The following GRID2 variants were observed in gnomAD, a reference collection of about 807,000 sequenced individuals.
The protein encoded by GRID2 is glutamate ionotropic receptor delta type subunit 2.
In GRID2, 33 loss-of-function variants were observed where a neutral mutation model predicts 114.8. That is an observed-to-expected ratio of 0.29 (90% CI 0.22 to 0.38). The LOEUF (loss-of-function observed/expected upper bound fraction) is 0.38. GRID2 is among the 10% of genes least tolerant of loss of function. GRID2 has a pLI of 1.00. For synonymous variants in GRID2, 505 were observed against 449.9 expected (o/e 1.12, Z -1.55); for missense variants, 1,184 against 1,257.7 (o/e 0.94, Z 0.89).
intron 2 of GRID2, among the ~76,000 whole-genome samples, chr4:92,754,606 T>C (rs931385567): frequency 6.6e-6 from 1 of 152,180 alleles, no homozygotes; most frequent in Non-Finnish European, 1.5e-5. Flanking sequence ...AATCAGCGCC[T>C]GACACAGTAC....
At chr4:93,571,240 A>C (rs1045709491) in intron 13 of GRID2, among the ~76,000 whole-genome samples, 2 of 152,124 alleles carry the variant, frequency 1.3e-5, no homozygotes. Flanking sequence ...CTCATGAAAC[A>C]TACCTTCTTT....
At chr4:92,563,708 T>C (rs1030059783) in intron 1 of GRID2, among the ~76,000 whole-genome samples, 22 of 152,120 alleles carry the variant, frequency 1.4e-4, no homozygotes, top group Admixed American at 2.0e-4. Flanking sequence ...TCATTTTTTA[T>C]TTCTGAGATT....
intron 2 of GRID2, among the ~76,000 whole-genome samples, chr4:92,657,534 C>A (rs1428742924): frequency 6.6e-6 from 1 of 151,028 alleles, no homozygotes; most frequent in Non-Finnish European, 1.5e-5. Flanking sequence ...TTAAATTATA[C>A]CACTGGATAT....
intron 1 of GRID2, among the ~76,000 whole-genome samples, chr4:92,470,568 T>C (rs895094754): frequency 6.6e-6 from 1 of 152,030 alleles, no homozygotes; most frequent in Non-Finnish European, 1.5e-5. Context: ...AAAATTTTTG[T>C]AAGCATAAAA....
chr4:92,623,322 C>T (rs1271731575), intron 2 of GRID2, among the ~76,000 whole-genome samples: 1 of 150,824 alleles, frequency 6.6e-6, no homozygotes, highest in Non-Finnish European at 1.5e-5. Flanking sequence ...ATATGACCTG[C>T]TTATCCTCAG....
chr4:93,195,650 T>G (rs1741412796), intron 4 of GRID2, among the ~76,000 whole-genome samples: 2 of 152,154 alleles, frequency 1.3e-5, no homozygotes, highest in Non-Finnish European at 2.9e-5. Context: ...AGAGCAGAAC[T>G]GACTATATAC....
At chr4:93,425,579 T>C (rs1208881710) in intron 10 of GRID2, among the ~76,000 whole-genome samples, 1 of 152,186 alleles carries the variant, frequency 6.6e-6, no homozygotes, top group Non-Finnish European at 1.5e-5. Flanking sequence ...CATTACTCTT[T>C]GCTAATTTTC....
At chr4:92,741,765 T>A (rs1373608273) in intron 2 of GRID2, among the ~76,000 whole-genome samples, 1 of 152,174 alleles carries the variant, frequency 6.6e-6, no homozygotes, top group Non-Finnish European at 1.5e-5. Context: ...AGGTGTTGAG[T>A]TACTTGGCTT....
At chr4:93,437,939 T>C (rs1721254350) in intron 10 of GRID2, among the ~76,000 whole-genome samples, 1 of 152,136 alleles carries the variant, frequency 6.6e-6, no homozygotes, top group African/African-American at 2.4e-5. Context: ...TCTATATCTA[T>C]AAATGGGCAT....
At chr4:93,315,090 A>G (rs990243813) in intron 8 of GRID2, among the ~76,000 whole-genome samples, 1 of 152,156 alleles carries the variant, frequency 6.6e-6, no homozygotes, top group South Asian at 2.1e-4. Flanking sequence ...AGTGTCTTAC[A>G]TGGTGGCATG....
At chr4:93,126,286 C>CCTAA (rs1389022497) in intron 4 of GRID2, among the ~76,000 whole-genome samples, 1 of 151,788 alleles carries the variant, frequency 6.6e-6, no homozygotes, top group African/African-American at 2.4e-5. Context: ...AGGGGAAAAA[C>CCTAA]CTAACTTTCT....
chr4:93,384,684 T>C (rs1764156373), intron 8 of GRID2, among the ~76,000 whole-genome samples: 2 of 152,158 alleles, frequency 1.3e-5, no homozygotes, highest in African/African-American at 4.8e-5. Context: ...AATGATGTAT[T>C]TACACTAATG....
intron 1 of GRID2, among the ~76,000 whole-genome samples, chr4:92,336,964 T>TTTG (rs2110154627): frequency 6.7e-6 from 1 of 149,304 alleles, no homozygotes; most frequent in South Asian, 2.1e-4. Context: ...GTTTTTTTTT[T>TTTG]TTTTTTTTTT....
At chr4:92,343,252 C>G (rs1727599473) in intron 1 of GRID2, among the ~76,000 whole-genome samples, 1 of 150,866 alleles carries the variant, frequency 6.6e-6, no homozygotes, top group Non-Finnish European at 1.5e-5. Context: ...AAAAAAAAAG[C>G]TCAAATCAAA....
intron 2 of GRID2, among the ~76,000 whole-genome samples, chr4:93,055,571 T>C (rs1037850079): frequency 6.6e-5 from 10 of 151,900 alleles, no homozygotes; most frequent in Non-Finnish European, 1.5e-4. Flanking sequence ...ATAAATTGGA[T>C]AGCCTACCAA....
chr4:93,504,985 T>C (rs1303195080), intron 12 of GRID2, among the ~76,000 whole-genome samples: 2 of 152,096 alleles, frequency 1.3e-5, no homozygotes, highest in South Asian at 4.1e-4. Flanking sequence ...TCCATTTTCA[T>C]TGAGAACAAA....
chr4:92,411,643 G>GTATATATATATA (rs1452745976), intron 1 of GRID2, among the ~76,000 whole-genome samples: 1 of 95,546 alleles, frequency 1.0e-5, no homozygotes, highest in Non-Finnish European at 2.1e-5. Context: ...GTGTGTGTGT[G>GTATATATATATA]TGTGTGTGTG....
At chr4:93,628,767 CT>C (rs377083909) in intron 14 of GRID2, among the ~76,000 whole-genome samples, 16,845 of 136,744 alleles carry the variant, frequency 0.12, 879 homozygotes, top group Non-Finnish European at 0.13. Context: ...GATTTTCTGG[CT>C]TTTTTTTTTT....
At chr4:93,138,948 CTT>C (rs1373767370) in intron 4 of GRID2, among the ~76,000 whole-genome samples, 1 of 152,202 alleles carries the variant, frequency 6.6e-6, no homozygotes. Flanking sequence ...GTCCTTTCTA[CTT>C]TCATCTCCTG....
Sources: allele counts gnomAD v4.1 joint callset (sites outside exome capture counted in the v4.1 genomes callset), GRCh38; gene constraint gnomAD v4.1.1; transcripts MANE v1.5; gene names NCBI Gene and HGNC (gene_info 2026-07-23, HGNC 2026-07-21).